The following PEX14 variants were observed in gnomAD, a reference collection of about 807,000 sequenced individuals.
PEX14 encodes peroxisomal biogenesis factor 14, also known as peroxisomal membrane protein PEX14.
A neutral mutation model predicts 49.5 loss-of-function variants in PEX14; 15 were observed. The observed-to-expected ratio is 0.30, with a 90% CI of 0.20 to 0.47. PEX14 has a LOEUF of 0.47. Among genes scored for constraint, PEX14 ranks in the 20% least tolerant of loss-of-function variants. PEX14 has a pLI of 1.00. For missense variants in PEX14, 398 were observed against 494.8 expected (o/e 0.80, Z 1.86); for synonymous variants, 210 against 212.7 (o/e 0.99, Z 0.11).
Position 10,630,318 on chromosome 1 carries a change from T to C in PEX14, c.*331T>C. On this transcript the variant is annotated 3_prime_UTR_variant, in exon 9 of 9. Coordinates refer to ENST00000356607, the MANE Select transcript of PEX14 (RefSeq NM_004565.3). This position sits in a 1 kb window ranked among gnomAD's most constrained non-coding sequence, Gnocchi z 4.1. ...TCCCGGACAGACGCCTTGCCCAGGG[T>C]GTGTTTGCTGAGTGTCTTGACTACC... 1 of 433,338 alleles carries C rather than the reference T, an allele frequency of 2.3e-6. No individual in the cohort carries two copies. Among genetic ancestry groups the C allele is most frequent in the South Asian group, 3.2e-5 (1 of 31,326 alleles). The allele number at this position is 433,338 out of a possible 1,614,324, so 26.8% of individuals were successfully genotyped here. A position where few individuals can be genotyped will look rare whatever the true frequency, so the allele number is the denominator to read the frequency against.
intron 3 of PEX14, among the ~76,000 whole-genome samples, chr1:10,592,261 TG>T (rs1640690129): frequency 6.6e-6 from 1 of 152,158 alleles, no homozygotes; most frequent in African/African-American, 2.4e-5. Flanking sequence ...CAGTATACTG[TG>T]GGAAGGGCTG....
At chr1:10,588,219 C>CA (rs201103852) in intron 3 of PEX14, among the ~76,000 whole-genome samples, 42 of 143,470 alleles carry the variant, frequency 2.9e-4, no homozygotes, top group Middle Eastern at 3.7e-3. Flanking sequence ...GACTCCGTCT[C>CA]AAAAAAAAAA....
chr1:10,478,948 T>A (rs1396274556), intron 1 of PEX14, among the ~76,000 whole-genome samples: 2 of 151,824 alleles, frequency 1.3e-5, no homozygotes, highest in East Asian at 3.9e-4. Context: ...AGACGATGTT[T>A]CACCGTATTA....
At chr1:10,521,378 T>TGA (rs1377194844) in intron 2 of PEX14, among the ~76,000 whole-genome samples, 3 of 152,210 alleles carry the variant, frequency 2.0e-5, no homozygotes, top group Non-Finnish European at 4.4e-5. Context: ...GCTATCTGGC[T>TGA]GCTCTAAGAT....
intron 2 of PEX14, among the ~76,000 whole-genome samples, chr1:10,521,343 A>G (rs1638288499): frequency 6.6e-6 from 1 of 152,210 alleles, no homozygotes; most frequent in Admixed American, 6.5e-5. Flanking sequence ...TGACTAGGGA[A>G]GATGGGGGTG....
chr1:10,627,618 G>A lies in PEX14; in HGVS notation c.677+255G>A, dbSNP rs80230992. On this transcript the variant is annotated intron_variant, in intron 8 of 8. Coordinates refer to ENST00000356607, the MANE Select transcript of PEX14 (RefSeq NM_004565.3). ...TCCCAGGCCTGTGAAGACCTGGTCA[G>A]GGACAGCTTGAGCCAAAAAGCAGGG... is the stretch of plus-strand genomic sequence containing the variant. 4.7e-4 allele frequency among the ~76,000 whole-genome samples: 71 copies of A among 152,378 alleles called. 1 individual carries two copies. In the East Asian group the frequency reaches 0.013, roughly 28 times the overall value.
At chr1:10,492,538 G>GT (rs751449513) in intron 1 of PEX14, among the ~76,000 whole-genome samples, 123 of 152,302 alleles carry the variant, frequency 8.1e-4, no homozygotes, top group African/African-American at 2.9e-3. Context: ...TTTTGCCTCA[G>GT]TTTCCTCATC....
At chr1:10,500,073 C>T (rs964138341) in intron 2 of PEX14, among the ~76,000 whole-genome samples, 1 of 151,852 alleles carries the variant, frequency 6.6e-6, no homozygotes, top group Non-Finnish European at 1.5e-5. Context: ...AATCAGAAGG[C>T]GTATTTTGAT....
chr1:10,544,122 GA>G (rs1408846028), intron 3 of PEX14, among the ~76,000 whole-genome samples: 2 of 152,166 alleles, frequency 1.3e-5, no homozygotes, highest in Non-Finnish European at 2.9e-5. Flanking sequence ...TCACATAGTT[GA>G]TTTTTTCACT....
Position 10,624,758 on chromosome 1 carries a change from T to A in PEX14, c.585+321T>A, listed in dbSNP as rs145893811. Among the ~76,000 whole-genome samples the A allele has an allele frequency of 6.8e-3, 1,034 of 152,278 alleles. 5 individuals are homozygous for A. The highest frequency in any genetic ancestry group is 0.012 in the Non-Finnish European group (820 of 68,006). On this transcript the variant is annotated intron_variant, in intron 7 of 8. Transcript: ENST00000356607. ...TCCCCGCAGCTCTGGAGGCTTTCTG[T>A]GTAGACATGGGACGGTCTCTACCTA...
rs560082526 is a variant in PEX14, at chr1:10,505,466, T to C, written c.84+10145T>C. On this transcript the variant is annotated intron_variant, in intron 2 of 8. Transcript: ENST00000356607. Reference sequence around the variant, plus strand: ...CTCAAAAACAAAACACAATCTTTTTTCCCCCCCTTTACCATACTTTTCCTT... The same window carrying C: ...CTCAAAAACAAAACACAATCTTTTTCCCCCCCCTTTACCATACTTTTCCTT... Among the ~76,000 whole-genome samples, 32 of 152,170 alleles carry C rather than the reference T, an allele frequency of 2.1e-4. No individual in the cohort carries two copies. The South Asian group carries it at 2.7e-3, about 13-fold the overall frequency.
intron 7 of PEX14, among the ~76,000 whole-genome samples, chr1:10,627,013 C>G (rs1641767742): frequency 6.6e-6 from 1 of 152,172 alleles, no homozygotes; most frequent in Non-Finnish European, 1.5e-5. Context: ...AAAAGACGCC[C>G]ACGATACCAT....
intron 1 of PEX14, among the ~76,000 whole-genome samples, chr1:10,488,978 A>G (rs925781096): frequency 2.0e-5 from 3 of 151,936 alleles, no homozygotes; most frequent in African/African-American, 4.8e-5. Flanking sequence ...TGAAATTTTT[A>G]AATTAAATTT....
chr1:10,568,147 TACTACTTTTCTTGTC>T (rs1239593748), intron 3 of PEX14, among the ~76,000 whole-genome samples: 1 of 152,224 alleles, frequency 6.6e-6, no homozygotes, highest in Non-Finnish European at 1.5e-5. Context: ...TTATATCTAT[TACTACTTTTCTTGTC>T]CAGTTGCATC....
intron 1 of PEX14, among the ~76,000 whole-genome samples, chr1:10,489,916 A>G (rs1315840130): frequency 6.6e-6 from 1 of 152,200 alleles, no homozygotes; most frequent in African/African-American, 2.4e-5. Flanking sequence ...ATGTGTACAC[A>G]CAGTGGTTTT....
intron 2 of PEX14, among the ~76,000 whole-genome samples, chr1:10,533,352 A>G (rs1214106540): frequency 6.6e-6 from 1 of 152,196 alleles, no homozygotes; most frequent in African/African-American, 2.4e-5. Flanking sequence ...ATTATTTTAT[A>G]TGACTTGAAA....
chr1:10,518,112 C>T (rs1025860808), intron 2 of PEX14, among the ~76,000 whole-genome samples: 2 of 151,980 alleles, frequency 1.3e-5, no homozygotes, highest in Admixed American at 1.3e-4. Context: ...TGTAGGTTGA[C>T]CTTTTGTTTT....
chr1:10,487,450 A>T (rs1570137368), intron 1 of PEX14, among the ~76,000 whole-genome samples: 2 of 139,866 alleles, frequency 1.4e-5, no homozygotes, highest in African/African-American at 2.6e-5. Context: ...TTTAAGTTTT[A>T]ATTATATACT....
At chr1:10,602,462 C>T (rs1044759719) in intron 4 of PEX14, among the ~76,000 whole-genome samples, 2 of 150,492 alleles carry the variant, frequency 1.3e-5, no homozygotes, top group Non-Finnish European at 3.0e-5. Flanking sequence ...TATAGAGAAA[C>T]AAGACTTTGC....
Sources: allele counts gnomAD v4.1 joint callset (sites outside exome capture counted in the v4.1 genomes callset), GRCh38; gene constraint gnomAD v4.1.1; non-coding constraint Gnocchi (gnomAD v3.1); transcripts MANE v1.5; gene names NCBI Gene and HGNC (gene_info 2026-07-23, HGNC 2026-07-21).